The following PCDHA4 variants were observed in gnomAD, a reference collection of about 807,000 sequenced individuals.
The protein encoded by PCDHA4 is protocadherin alpha 4.
A neutral mutation model predicts 61.4 loss-of-function variants in PCDHA4; 49 were observed. The ratio of observed to expected loss-of-function variants is 0.80; its 90% CI spans 0.63 to 1.01. PCDHA4 has a LOEUF of 1.01. PCDHA4 is among the 50% of genes least tolerant of loss of function. PCDHA4 has a pLI of 0.00. For synonymous variants in PCDHA4, 590 were observed against 550.3 expected (o/e 1.07, Z -1.01); for missense variants, 1,254 against 1,235.8 (o/e 1.01, Z -0.22).
At chr5:140,851,427 T>C in intron 1 of PCDHA4, 2 of 945,324 alleles carry the variant, frequency 2.1e-6, no homozygotes, top group Non-Finnish European at 2.6e-6. Flanking sequence ...CCCTAAACTT[T>C]AGAAAACAGT....
At chr5:140,877,614 G>A (rs2153354451) in intron 1 of PCDHA4, 3 of 1,613,850 alleles carry the variant, frequency 1.9e-6, no homozygotes, top group Middle Eastern at 3.3e-4. Context: ...TGGTGCTCAC[G>A]CTGCTGCTGT....
At chr5:140,818,560 G>A (rs1554127511) in intron 1 of PCDHA4, among the ~76,000 whole-genome samples, 1 of 152,194 alleles carries the variant, frequency 6.6e-6, no homozygotes, top group East Asian at 1.9e-4. Flanking sequence ...AATCAGGCCA[G>A]GCATGGTGGC....
intron 1 of PCDHA4, chr5:140,928,238 A>T (rs147430561): frequency 1.9e-6 from 3 of 1,614,188 alleles, no homozygotes; most frequent in Non-Finnish European, 2.5e-6. Context: ...CCTCAACCCC[A>T]GCAGGAACTT....
At chr5:140,982,192 G>A (rs1390222750) in intron 2 of PCDHA4, among the ~76,000 whole-genome samples, 4 of 152,230 alleles carry the variant, frequency 2.6e-5, no homozygotes, top group Non-Finnish European at 4.4e-5. Context: ...TGGGCTTCCT[G>A]TTAGATTTAG....
intron 1 of PCDHA4, chr5:140,843,092 G>A (rs1778555450): frequency 6.3e-7 from 1 of 1,595,654 alleles, no homozygotes. Flanking sequence ...GGGCCACGTG[G>A]TAGCGAAGGT....
At chr5:140,827,320 A>C (rs1554130752) in intron 1 of PCDHA4, among the ~76,000 whole-genome samples, 1 of 152,256 alleles carries the variant, frequency 6.6e-6, no homozygotes, top group Non-Finnish European at 1.5e-5. Context: ...AAATTCCACT[A>C]GAATTTGAAG....
chr5:140,963,873 C>A (rs757553114), intron 1 of PCDHA4, among the ~76,000 whole-genome samples: 5 of 152,188 alleles, frequency 3.3e-5, no homozygotes, highest in Non-Finnish European at 5.9e-5. Flanking sequence ...GTTTTGCTTA[C>A]TATTGTTTTC....
intron 1 of PCDHA4, among the ~76,000 whole-genome samples, chr5:140,960,911 G>A (rs2095578426): frequency 6.6e-6 from 1 of 152,284 alleles, no homozygotes; most frequent in Non-Finnish European, 1.5e-5. Context: ...TTGAGTTTCA[G>A]ATAGAAAATT....
At chr5:140,925,072 G>C (rs921580794) in intron 1 of PCDHA4, among the ~76,000 whole-genome samples, 1 of 149,184 alleles carries the variant, frequency 6.7e-6, no homozygotes, top group Non-Finnish European at 1.5e-5. Context: ...AAAGCAACAC[G>C]CTCATCTGGA....
chr5:140,823,991 T>G (rs2150131216), intron 1 of PCDHA4: 2 of 1,613,888 alleles, frequency 1.2e-6, no homozygotes, highest in Admixed American at 3.3e-5. Flanking sequence ...CCCACTCTGT[T>G]GTGCTCCAGC....
At chr5:140,813,432 C>T (rs2126646419) in intron 1 of PCDHA4, 3 of 152,172 alleles carry the variant, frequency 2.0e-5, no homozygotes, top group Non-Finnish European at 2.9e-5. Flanking sequence ...GTACTGAATA[C>T]TATAGGGAAT....
At chr5:140,866,641 A>C (rs567516921) in intron 1 of PCDHA4, 3 of 152,226 alleles carry the variant, frequency 2.0e-5, no homozygotes, top group African/African-American at 2.4e-5. Flanking sequence ...ACGGTGTCAA[A>C]ATTTATTTAT....
intron 1 of PCDHA4, among the ~76,000 whole-genome samples, chr5:140,962,154 C>T (rs1447978704): frequency 3.9e-5 from 6 of 152,210 alleles, no homozygotes; most frequent in Admixed American, 1.3e-4. Context: ...GGATTACAGG[C>T]GTGAGCCACC....
intron 1 of PCDHA4, among the ~76,000 whole-genome samples, chr5:140,879,016 G>A (rs2057813975): frequency 6.6e-6 from 1 of 152,188 alleles, no homozygotes; most frequent in African/African-American, 2.4e-5. Context: ...ATCAGATAAT[G>A]TTTTATTGAA....
chr5:140,997,984 A>G (rs1004761154), intron 3 of PCDHA4, among the ~76,000 whole-genome samples: 4 of 152,188 alleles, frequency 2.6e-5, no homozygotes, highest in Admixed American at 2.6e-4. Context: ...TGCACTTGTT[A>G]CATACTTCCC....
At chr5:140,834,300 C>T (rs111598234) in intron 1 of PCDHA4, 1 of 1,283,798 alleles carries the variant, frequency 7.8e-7, no homozygotes, top group Non-Finnish European at 1.1e-6. Context: ...GGCCACACAT[C>T]GAGATTGAAA....
At chr5:140,931,970 G>A (rs2087909153) in intron 1 of PCDHA4, among the ~76,000 whole-genome samples, 1 of 151,866 alleles carries the variant, frequency 6.6e-6, no homozygotes, top group Non-Finnish European at 1.5e-5. Flanking sequence ...TGATGCATAT[G>A]TGTTTATATT....
chr5:140,926,629 G>A, intron 1 of PCDHA4: 1 of 406,364 alleles, frequency 2.5e-6, no homozygotes, highest in African/African-American at 2.1e-5. Context: ...GCGGCGCTGC[G>A]CTCCTCAACA....
chr5:140,877,171 G>A (rs2056910663), intron 1 of PCDHA4: 1 of 1,613,742 alleles, frequency 6.2e-7, no homozygotes, highest in Non-Finnish European at 8.5e-7. Context: ...GGCACTGCTG[G>A]CGACTCCGGC....
Sources: gnomAD v4.1 joint callset for allele counts (sites outside exome capture counted in the v4.1 genomes callset) on GRCh38, gnomAD v4.1.1 for gene constraint, MANE v1.5 for transcripts, NCBI Gene and HGNC (gene_info 2026-07-23, HGNC 2026-07-21) for gene names.